MED27: variants seen among roughly 807,000 people sequenced by gnomAD.
The protein encoded by MED27 is mediator of RNA polymerase II transcription subunit 27.
A neutral mutation model predicts 38.2 loss-of-function variants in MED27; 30 were observed. The observed-to-expected ratio is 0.79, with a 90% CI of 0.59 to 1.07. The LOEUF (loss-of-function observed/expected upper bound fraction) is 1.07. MED27 is among the 50% of genes least tolerant of loss of function. The pLI, the probability that MED27 is intolerant of heterozygous loss-of-function variation, is 0.00. For missense variants in MED27, 289 were observed against 397.5 expected (o/e 0.73, Z 2.32); for synonymous variants, 122 against 153.5 (o/e 0.79, Z 1.52).
chr9:131,910,134 T>C (rs1830160625), intron 4 of MED27, among the ~76,000 whole-genome samples: 1 of 152,212 alleles, frequency 6.6e-6, no homozygotes. Flanking sequence ...TGTTTATTCC[T>C]ACAAGCATTA....
intron 3 of MED27, among the ~76,000 whole-genome samples, chr9:132,007,153 G>C (rs924039026): frequency 4.6e-5 from 7 of 152,158 alleles, no homozygotes; most frequent in Admixed American, 3.9e-4. Flanking sequence ...GTTACCTCCT[G>C]AATGGGTGGC....
intron 3 of MED27, among the ~76,000 whole-genome samples, chr9:131,987,082 C>T (rs1379430490): frequency 8.3e-6 from 1 of 121,156 alleles, no homozygotes; most frequent in Non-Finnish European, 1.6e-5. Flanking sequence ...ATTATTGGGT[C>T]AAACTTTCCC....
chr9:131,915,139 AG>A (rs1022262342), intron 4 of MED27, among the ~76,000 whole-genome samples: 120 of 152,322 alleles, frequency 7.9e-4, no homozygotes, highest in Non-Finnish European at 1.6e-3. Context: ...GTAGACAGAG[AG>A]GGGACAAGAC....
At chr9:131,906,010 T>C (rs531536145) in intron 4 of MED27, among the ~76,000 whole-genome samples, 10 of 152,114 alleles carry the variant, frequency 6.6e-5, no homozygotes, top group South Asian at 2.1e-4. Flanking sequence ...GACATAGAAA[T>C]TGCAAAGAGT....
intron 3 of MED27, among the ~76,000 whole-genome samples, chr9:131,999,986 T>C (rs1228696186): frequency 6.6e-6 from 1 of 151,954 alleles, no homozygotes; most frequent in African/African-American, 2.4e-5. Flanking sequence ...AATCAATCAG[T>C]ACAAAATCAA....
chr9:132,064,478 G>A (rs1019689820), intron 2 of MED27, among the ~76,000 whole-genome samples: 3 of 152,222 alleles, frequency 2.0e-5, no homozygotes, highest in African/African-American at 7.2e-5. Context: ...CACGTCTGAG[G>A]TCGATGGAAC....
At chr9:131,941,683 C>T (rs1279557285) in intron 3 of MED27, among the ~76,000 whole-genome samples, 1 of 152,014 alleles carries the variant, frequency 6.6e-6, no homozygotes, top group Non-Finnish European at 1.5e-5. Context: ...ACATGAATGG[C>T]TTTCATGATC....
chr9:132,014,592 C>T (rs773654453), intron 2 of MED27, 125 bp from the exon 3 acceptor site: 18 of 894,604 alleles, frequency 2.0e-5, no homozygotes, highest in Non-Finnish European at 2.8e-5. Context: ...ACTTCAAATA[C>T]AACTGCTCAC....
In MED27 at chr9:132,069,963, C is replaced by T. The variant is rs573381587; in HGVS notation, c.348+7479G>A. ...AAAATGAGCAAGAATAAAGGACAGTCGCCGCAAGCACGCCACACTGGGCAC... is the reference window on the plus strand; with the variant it reads ...AAAATGAGCAAGAATAAAGGACAGTTGCCGCAAGCACGCCACACTGGGCAC... On this transcript the variant is annotated intron_variant, in intron 2 of 7. Transcript: ENST00000292035. 1.1e-4 allele frequency among the ~76,000 whole-genome samples: 16 copies of T among 152,320 alleles called. No homozygotes were observed. The South Asian group carries it at 3.3e-3, about 32-fold the overall frequency.
intron 4 of MED27, among the ~76,000 whole-genome samples, chr9:131,919,513 T>C (rs1014364102): frequency 1.3e-4 from 20 of 152,246 alleles, no homozygotes; most frequent in East Asian, 3.9e-4. Flanking sequence ...GGGATCCAAA[T>C]TGTCACTCTG....
intron 3 of MED27, among the ~76,000 whole-genome samples, chr9:131,985,899 T>C (rs2131034098): frequency 6.6e-6 from 1 of 152,108 alleles, no homozygotes; most frequent in South Asian, 2.1e-4. Context: ...ATCCTGACCC[T>C]GTGTAGGCCT....
intron 4 of MED27, among the ~76,000 whole-genome samples, chr9:131,908,542 T>C (rs1212469131): frequency 1.3e-5 from 2 of 152,346 alleles, no homozygotes; most frequent in South Asian, 2.1e-4. Context: ...AGAAAAATTC[T>C]TCTGCCTTGG....
intron 4 of MED27, among the ~76,000 whole-genome samples, chr9:131,922,628 T>C (rs1830414955): frequency 7.4e-6 from 1 of 134,730 alleles, no homozygotes; most frequent in East Asian, 2.4e-4. Context: ...TTTATTTTTA[T>C]TTTTTTCTTT....
intron 4 of MED27, among the ~76,000 whole-genome samples, chr9:131,921,197 T>C (rs909453352): frequency 9.9e-5 from 15 of 152,176 alleles, no homozygotes; most frequent in African/African-American, 2.4e-4. Context: ...AGAATTCCCG[T>C]ACACCCTTCA....
chr9:132,068,129 G>C (rs965027366), intron 2 of MED27, among the ~76,000 whole-genome samples: 1 of 152,130 alleles, frequency 6.6e-6, no homozygotes, highest in Non-Finnish European at 1.5e-5. Context: ...AGACCATGAC[G>C]ACAACAACGG....
chr9:132,040,202 TA>T (rs1467598267), intron 2 of MED27, among the ~76,000 whole-genome samples: 1 of 152,224 alleles, frequency 6.6e-6, no homozygotes, highest in Non-Finnish European at 1.5e-5. Context: ...TGCCCAGCAC[TA>T]AACAAAGCTG....
intron 6 of MED27, among the ~76,000 whole-genome samples, chr9:131,876,634 C>T (rs144459045): frequency 1.0e-3 from 159 of 152,232 alleles, no homozygotes; most frequent in African/African-American, 3.7e-3. Context: ...CAGAGCCCCG[C>T]GCCGATGCTT....
chr9:132,041,550 C>G (rs1435053415), intron 2 of MED27, among the ~76,000 whole-genome samples: 1 of 152,248 alleles, frequency 6.6e-6, no homozygotes, highest in African/African-American at 2.4e-5. Flanking sequence ...CCCCATCTTC[C>G]TGTCGGGCAC....
intron 3 of MED27, among the ~76,000 whole-genome samples, chr9:131,983,876 G>C (rs1281335545): frequency 6.6e-6 from 1 of 152,004 alleles, no homozygotes; most frequent in Non-Finnish European, 1.5e-5. Context: ...ACACAACAAG[G>C]CAAAACCAGC....
Sources: allele counts gnomAD v4.1 joint callset (sites outside exome capture counted in the v4.1 genomes callset), GRCh38; gene constraint gnomAD v4.1.1; transcripts MANE v1.5; gene names NCBI Gene and HGNC (gene_info 2026-07-23, HGNC 2026-07-21).